The following NUP155 variants were observed in gnomAD, a reference collection of about 807,000 sequenced individuals.
The protein encoded by NUP155 is nuclear pore complex protein Nup155.
A neutral mutation model predicts 180.4 loss-of-function variants in NUP155; 71 were observed. That is an observed-to-expected ratio of 0.39 (90% CI 0.33 to 0.48). NUP155 has a LOEUF of 0.48. Among genes scored for constraint, NUP155 ranks in the 20% least tolerant of loss-of-function variants. NUP155 has a pLI of 0.91. For missense variants in NUP155, 1,553 were observed against 1,648.9 expected (o/e 0.94, Z 1.01); for synonymous variants, 582 against 559.5 (o/e 1.04, Z -0.57).
rs146818549 is a variant in NUP155, at chr5:37,330,188, G to A, written c.1630-56C>T. The stretch of plus-strand genomic sequence containing the variant: ...TTAAATACAAATTTTAAAATGATTT[G>A]TGTACTGCTAGATGCAGTATTAAAG... On this transcript the variant is annotated intron_variant, in intron 14 of 34. Coordinates refer to ENST00000231498, the MANE Select transcript of NUP155 (RefSeq NM_153485.3). 1.6e-4 allele frequency: 189 copies of A among 1,214,440 alleles called. 2 individuals carry two copies. In the African/African-American group the frequency reaches 2.5e-3, roughly 16 times the overall value. 75.2% of individuals were successfully genotyped at this position (1,214,440 alleles called of 1,614,324 possible). A position where few individuals can be genotyped will look rare whatever the true frequency, so the allele number is the denominator to read the frequency against.
Position 37,329,243 on chromosome 5 carries a change from G to C in NUP155, c.1760C>G (p.Thr587Ser). The C allele has an allele frequency of 4.3e-6, 7 of 1,613,998 alleles. No homozygotes were observed. The highest frequency in any genetic ancestry group is 5.9e-6 in the Non-Finnish European group (7 of 1,179,900). Residue 587 changes from threonine (T) to serine (S), a missense_variant, in exon 16 of 35, where the codon ACT becomes AGT. By Grantham distance (58) the Thr-to-Ser change is moderately conservative. Transcript: ENST00000231498. ...GGEAQMRFPTTLPPPSNVGPI... is the reference protein window; with the variant it reads ...GGEAQMRFPTSLPPPSNVGPI... Reference sequence around the variant, plus strand: ...ACCAACATTACTTGGAGGCGGAAGAGTGGTTGGAAATCTCATCTGTGCTTC... The same window carrying C: ...ACCAACATTACTTGGAGGCGGAAGACTGGTTGGAAATCTCATCTGTGCTTC...
rs554044922 is a variant in NUP155 at position 37,356,760 on chromosome 5, T to C, written c.463+1321A>G. On this transcript the variant is annotated intron_variant, in intron 4 of 34. Coordinates refer to ENST00000231498, the MANE Select transcript of NUP155 (RefSeq NM_153485.3). ...GAGGGTGAAACAATAAGTTAAACAA[T>C]GCTTGTGACGTTTCTAAGATTTACT... is the stretch of plus-strand genomic sequence containing the variant. Among the ~76,000 whole-genome samples, 5 of 152,200 alleles carry C rather than the reference T, an allele frequency of 3.3e-5. No individual in the cohort carries two copies. In the East Asian group the frequency reaches 9.7e-4, roughly 30 times the overall value.
chr5:37,331,328 A>G (rs922893996), intron 14 of NUP155, among the ~76,000 whole-genome samples: 1 of 152,140 alleles, frequency 6.6e-6, no homozygotes, highest in African/African-American at 2.4e-5. Context: ...TAATCCCAGC[A>G]CTTTAGGAGG....
rs577687874 is a variant in NUP155, at chr5:37,326,972, C to G, written c.2024+657G>C. 3.9e-5 allele frequency among the ~76,000 whole-genome samples: 6 copies of G among 152,308 alleles called. No individual in the cohort carries two copies. In the South Asian group the frequency reaches 1.0e-3, roughly 26 times the overall value. ...ACCAACCCTTCCTCTTCCTACTCCT[C>G]AGCCTACTCAGCGTGAAGACAAGGA... On this transcript the variant is annotated intron_variant, in intron 18 of 34. Coordinates refer to ENST00000231498, the MANE Select transcript of NUP155 (RefSeq NM_153485.3).
chr5:37,336,613 C>T (rs988599638), intron 12 of NUP155, among the ~76,000 whole-genome samples: 1 of 152,038 alleles, frequency 6.6e-6, no homozygotes, highest in Non-Finnish European at 1.5e-5. Flanking sequence ...TCCTCCACTC[C>T]CCCAACACAG....
At chr5:37,295,936 C>T in intron 32 of NUP155, among the ~76,000 whole-genome samples, 1 of 148,936 alleles carries the variant, frequency 6.7e-6, no homozygotes, top group South Asian at 2.2e-4. Context: ...GCGCCTCTGC[C>T]CGGCCGCCCC....
chr5:37,352,665 A>G, intron 5 of NUP155, 72 bp downstream of exon 5: 1 of 923,452 alleles, frequency 1.1e-6, no homozygotes, highest in Admixed American at 1.9e-5. Context: ...CACCCAGATT[A>G]GCTTTTAACT....
intron 24 of NUP155, 100 bp from the exon 25 acceptor site, chr5:37,307,532 T>C (rs1281628392): frequency 2.7e-6 from 3 of 1,095,924 alleles, no homozygotes; most frequent in Non-Finnish European, 4.2e-6. Flanking sequence ...GTTATGTCTC[T>C]ACTGTACAAT....
At chr5:37,325,832 A>G in intron 19 of NUP155, 69 bp downstream of exon 19, 1 of 960,920 alleles carries the variant, frequency 1.0e-6, no homozygotes, top group Non-Finnish European at 1.7e-6. Flanking sequence ...AGGAAATGTG[A>G]AACAATCTAA....
intron 12 of NUP155, among the ~76,000 whole-genome samples, chr5:37,334,714 A>G (rs1414127970): frequency 2.0e-5 from 3 of 152,142 alleles, no homozygotes; most frequent in Admixed American, 1.3e-4. Flanking sequence ...CTAATACATA[A>G]ATCTTTTTGT....
At position 37,310,724 on chromosome 5, in the gene NUP155, T is replaced by C; in HGVS notation, c.2456A>G (p.Lys819Arg). 1 of 1,613,648 alleles carries C rather than the reference T, an allele frequency of 6.2e-7. No homozygotes were observed. Among genetic ancestry groups the C allele is most frequent in the Non-Finnish European group, 8.5e-7 (1 of 1,179,730 alleles). Residue 819 changes from lysine to arginine, a missense_variant, in exon 23 of 35, where the codon AAG becomes AGG. Physicochemically the swap from Lys to Arg is conservative, Grantham distance 26. Coordinates refer to ENST00000231498, the MANE Select transcript of NUP155 (RefSeq NM_153485.3). Reference protein sequence around the residue: ...ELQKELQEQLKITTFKDLVIR... With the variant: ...ELQKELQEQLRITTFKDLVIR... ...TACAAGATCTTTAAAGGTGGTGATC[T>C]TCAGCTGCTCTTGAAGTTCCTAGGA...
intron 4 of NUP155, among the ~76,000 whole-genome samples, chr5:37,357,399 C>CAAAAAAAAAAAAAAAAAAAAAAAAAA (rs397997409): frequency 3.2e-5 from 1 of 31,302 alleles, no homozygotes; most frequent in Non-Finnish European, 5.2e-5. Context: ...ACCTTAATCT[C>CAAAAAAAAAAAAAAAAAAAAAAAAAA]AAAAAAAAAA....
intron 32 of NUP155, among the ~76,000 whole-genome samples, chr5:37,296,473 A>AGGCAGCATGC (rs1202355200): frequency 4.6e-5 from 7 of 151,930 alleles, no homozygotes; most frequent in South Asian, 2.1e-4. Flanking sequence ...AGACGCTTGA[A>AGGCAGCATGC]GGCAGCATGC....
In NUP155 at chr5:37,325,782, A is replaced by AT. The variant is rs1451422743; in HGVS notation, c.2091+118_2091+119insA. On this transcript the variant is annotated intron_variant, in intron 19 of 34. Coordinates refer to ENST00000231498, the MANE Select transcript of NUP155 (RefSeq NM_153485.3). ...GGACTCTGTCTCAAAAAAAAAAAAA[A>AT]AAAAAAAAATAACCTTTGCCATCTT... 1.0e-5 allele frequency: 7 copies of AT among 675,334 alleles called. No homozygotes were observed. In the African/African-American group the frequency reaches 1.1e-4, roughly 11 times the overall value. 41.8% of individuals were successfully genotyped at this position (675,334 alleles called of 1,614,324 possible).
chr5:37,333,689 GA>G, intron 12 of NUP155, 56 bp from the exon 13 acceptor site: 1 of 1,298,284 alleles, frequency 7.7e-7, no homozygotes, highest in Non-Finnish European at 1.1e-6. Context: ...TAATGCAAAA[GA>G]AAAAACTACA....
intron 4 of NUP155, among the ~76,000 whole-genome samples, chr5:37,354,319 T>C (rs1746666335): frequency 6.6e-6 from 1 of 152,074 alleles, no homozygotes; most frequent in Non-Finnish European, 1.5e-5. Context: ...GCTTATTTTG[T>C]ATTTTTAGTA....
chr5:37,355,610 A>G (rs946803083), intron 4 of NUP155, among the ~76,000 whole-genome samples: 1 of 149,524 alleles, frequency 6.7e-6, no homozygotes, highest in Non-Finnish European at 1.5e-5. Context: ...GCGATGTCTC[A>G]CTCTGTTGCC....
chr5:37,301,675 A>C (rs1742870695), intron 29 of NUP155, 125 bp from the exon 30 acceptor site: 3 of 698,900 alleles, frequency 4.3e-6, no homozygotes, highest in Admixed American at 2.0e-5. Context: ...GATTTCTATC[A>C]TAATAGGCTA....
At chr5:37,342,400 A>G in intron 10 of NUP155, 149 bp downstream of exon 10, 1 of 603,106 alleles carries the variant, frequency 1.7e-6, no homozygotes, top group South Asian at 2.1e-5. Flanking sequence ...AAAATCTCCC[A>G]GTTTTCAAAA....
Sources: allele counts gnomAD v4.1 joint callset (sites outside exome capture counted in the v4.1 genomes callset), GRCh38; gene constraint gnomAD v4.1.1; transcripts MANE v1.5; gene names NCBI Gene and HGNC (gene_info 2026-07-23, HGNC 2026-07-21).